SYNE3: variants seen among roughly 807,000 people sequenced by gnomAD.
The protein encoded by SYNE3 is nesprin-3.
SYNE3 carries 100 observed loss-of-function variants against 111.2 expected under a neutral mutation model. The ratio of observed to expected loss-of-function variants is 0.90; its 90% CI spans 0.77 to 1.06. SYNE3 has a LOEUF of 1.06. Among genes scored for constraint, SYNE3 ranks in the 50% least tolerant of loss-of-function variants. SYNE3 has a pLI of 0.00. For missense variants in SYNE3, 1,160 were observed against 1,240.3 expected (o/e 0.94, Z 0.97); for synonymous variants, 547 against 533.9 (o/e 1.02, Z -0.34).
chr14:95,439,503 C>T (rs17092236), intron 13 of SYNE3, 109 bp downstream of exon 13: 556,427 of 1,447,384 alleles, frequency 0.38, 111,892 homozygotes, highest in Admixed American at 0.62. Flanking sequence ...CGGCCCCTGG[C>T]TCCACACTGG....
intron 17 of SYNE3, among the ~76,000 whole-genome samples, chr14:95,422,256 T>C (rs578136088): frequency 2.6e-5 from 4 of 151,894 alleles, no homozygotes; most frequent in South Asian, 2.1e-4. Flanking sequence ...GCTCCACTTG[T>C]TAGTGAACTC....
rs1486033717 is a variant in SYNE3, at chr14:95,470,622, G to A, written c.145-2655C>T. Reference sequence around the variant, plus strand: ...GCCATGATCACACTACTGCACTCAAGCCTGGGCAGCAGGGCAAGAACCTGT... The same window carrying A: ...GCCATGATCACACTACTGCACTCAAACCTGGGCAGCAGGGCAAGAACCTGT... On this transcript the variant is annotated intron_variant, in intron 2 of 17. Transcript: ENST00000682763. This position sits in a 1 kb window ranked among gnomAD's most constrained non-coding sequence, Gnocchi z 4.2. 6.6e-6 allele frequency among the ~76,000 whole-genome samples: 1 copy of A among 151,808 alleles called. No homozygotes were observed. The highest frequency in any genetic ancestry group is 1.5e-5 in the Non-Finnish European group (1 of 68,006).
At chr14:95,506,592 A>G (rs1413800822) in intron 1 of SYNE3, among the ~76,000 whole-genome samples, 3 of 152,248 alleles carry the variant, frequency 2.0e-5, no homozygotes, top group South Asian at 2.1e-4. Flanking sequence ...AGGCAGGCAG[A>G]AGTGCTGAGC....
At chr14:95,481,740 C>T (rs1314884698) in intron 1 of SYNE3, among the ~76,000 whole-genome samples, 1 of 152,216 alleles carries the variant, frequency 6.6e-6, no homozygotes, top group Non-Finnish European at 1.5e-5. Context: ...CAGGGCTGCC[C>T]CTGTGGTCCA....
rs1410167765 is a variant in SYNE3, at chr14:95,446,047, C to A, written c.1494G>T (p.Met498Ile). 6.2e-7 allele frequency: 1 copy of A among 1,614,062 alleles called. No individual in the cohort carries two copies. Among genetic ancestry groups the A allele is most frequent in the Non-Finnish European group, 8.5e-7 (1 of 1,180,052 alleles). ...ESSRLKELLTMLQLKKDLLIG... is the reference protein window; with the variant it reads ...ESSRLKELLTILQLKKDLLIG... ...TCAGGAGGTCTTTCTTCAGCTGCAGCATCGTCAGCAGCTCTTTCAGGCGGG... is the reference window on the plus strand; with the variant it reads ...TCAGGAGGTCTTTCTTCAGCTGCAGAATCGTCAGCAGCTCTTTCAGGCGGG... The change falls in exon 9 of 18, where the codon ATG (methionine) becomes ATT (isoleucine). Residue 498 changes from methionine to isoleucine, a missense_variant. Coordinates refer to ENST00000682763, the MANE Select transcript of SYNE3 (RefSeq NM_152592.6).
At chr14:95,460,022 A>G (rs1887691599) in intron 4 of SYNE3, among the ~76,000 whole-genome samples, 2 of 152,094 alleles carry the variant, frequency 1.3e-5, no homozygotes, top group South Asian at 4.2e-4. Context: ...GCTTGAGCCC[A>G]GGAGGTGGAG....
Position 95,415,276 on chromosome 14 carries a change from G to GCCCCCCCCCCCCCCCCCCCCCCCCC in SYNE3, c.*2549_*2550insGGGGGGGGGGGGGGGGGGGGGGGGG, listed in dbSNP as rs59220960. ...CATAGGAAAGTGGACACCTGGCAAG[G>GCCCCCCCCCCCCCCCCCCCCCCCCC]CCCCCCCACCCACCCACCCTGCCAC... is the stretch of plus-strand genomic sequence containing the variant. On this transcript the variant is annotated 3_prime_UTR_variant, in exon 18 of 18. Transcript: ENST00000682763. The GCCCCCCCCCCCCCCCCCCCCCCCCC allele has an allele frequency of 6.1e-4, 85 of 139,610 alleles. No homozygotes were observed. Among genetic ancestry groups the GCCCCCCCCCCCCCCCCCCCCCCCCC allele is most frequent in the Admixed American group, 1.0e-3 (14 of 13,652 alleles). The allele number at this position is 139,610 out of a possible 1,614,324, so 8.6% of individuals were successfully genotyped here. A position where few individuals can be genotyped will look rare whatever the true frequency, so the allele number is the denominator to read the frequency against.
At chr14:95,451,124 A>G (rs944569473) in intron 7 of SYNE3, 1 of 151,576 alleles carries the variant, frequency 6.6e-6, no homozygotes, top group African/African-American at 2.5e-5. Flanking sequence ...GCAGATTCTG[A>G]AAACAGCACC....
intron 1 of SYNE3, among the ~76,000 whole-genome samples, chr14:95,515,543 C>T (rs983070224): frequency 2.0e-5 from 3 of 152,230 alleles, no homozygotes; most frequent in Non-Finnish European, 4.4e-5. Context: ...CTGCCAAGCT[C>T]AGAATGGCAG....
intron 16 of SYNE3, among the ~76,000 whole-genome samples, chr14:95,432,338 G>A (rs8015054): frequency 0.41 from 62,067 of 152,064 alleles, 13,827 homozygotes; most frequent in African/African-American, 0.58. Context: ...AAAGGCCGTG[G>A]CCAAGGCCGG....
chr14:95,446,948 G>GA (rs1278221419), intron 8 of SYNE3, among the ~76,000 whole-genome samples: 3 of 152,120 alleles, frequency 2.0e-5, no homozygotes, highest in Non-Finnish European at 4.4e-5. Context: ...ATTTCTAATC[G>GA]AGAGTCTGGG....
chr14:95,459,607 T>C (rs973552943), intron 4 of SYNE3, among the ~76,000 whole-genome samples: 1 of 151,954 alleles, frequency 6.6e-6, no homozygotes, highest in Admixed American at 6.6e-5. Context: ...CTGGGAAGAG[T>C]GAACGGGTAA....
Position 95,432,412 on chromosome 14 carries a change from G to A in SYNE3, c.2689-295C>T, listed in dbSNP as rs188430305. The stretch of plus-strand genomic sequence containing the variant: ...CCTAGTGGCCGTCTCGGCTGCTCCC[G>A]GGCCAGGAAAGCCTGGGGCGCCCAG... On this transcript the variant is annotated intron_variant, in intron 16 of 17. Transcript: ENST00000682763. 5.5e-4 allele frequency among the ~76,000 whole-genome samples: 83 copies of A among 152,166 alleles called. 1 individual carries two copies. The highest frequency in any genetic ancestry group is 1.8e-3 in the African/African-American group (76 of 41,530).
In SYNE3 at chr14:95,409,287, G is replaced by A. The variant is rs1207703625; in HGVS notation, c.*8539C>T. On this transcript the variant is annotated 3_prime_UTR_variant, in exon 18 of 18. Transcript: ENST00000682763. ...TTTCTGATCATGACTCCATAGCACA[G>A]GCTTTTTGAAAGTGTCATGACCATA... is the stretch of plus-strand genomic sequence containing the variant. 2.2e-6 allele frequency: 1 copy of A among 456,642 alleles called. No individual in the cohort carries two copies. Among genetic ancestry groups the A allele is most frequent in the African/African-American group, 2.0e-5 (1 of 50,070 alleles). 28.3% of individuals were successfully genotyped at this position (456,642 alleles called of 1,614,324 possible).
rs1903620469 is a variant in SYNE3, at chr14:95,417,589, T to C, written c.*237A>G. 1 of 572,348 alleles carries C rather than the reference T, an allele frequency of 1.7e-6. No homozygotes were observed. Among genetic ancestry groups the C allele is most frequent in the South Asian group, 2.1e-5 (1 of 48,246 alleles). The allele number at this position is 572,348 out of a possible 1,614,324, so 35.5% of individuals were successfully genotyped here. ...ACTGAGCATTTACATACAGATCATA[T>C]AAAAATTCTAGACATTATTCCCTAG... On this transcript the variant is annotated 3_prime_UTR_variant, in exon 18 of 18. Coordinates refer to ENST00000682763, the MANE Select transcript of SYNE3 (RefSeq NM_152592.6).
chr14:95,409,115 A>G lies in SYNE3; in HGVS notation c.*8711T>C, dbSNP rs1045784232. The G allele has an allele frequency of 7.7e-5, 35 of 454,972 alleles. No individual in the cohort carries two copies. The highest frequency in any genetic ancestry group is 1.5e-4 in the Non-Finnish European group (34 of 225,616). The allele number at this position is 454,972 out of a possible 1,614,324, so 28.2% of individuals were successfully genotyped here. Reference sequence around the variant, plus strand: ...GCAGCAGCCCGCGGCCTGCAAAGGAAAGGAAAGCAACTGAGGCCCAGGGAA... The same window carrying G: ...GCAGCAGCCCGCGGCCTGCAAAGGAGAGGAAAGCAACTGAGGCCCAGGGAA... On this transcript the variant is annotated 3_prime_UTR_variant, in exon 18 of 18. Coordinates refer to ENST00000682763, the MANE Select transcript of SYNE3 (RefSeq NM_152592.6).
chr14:95,484,359 C>T (rs188328967), intron 1 of SYNE3, among the ~76,000 whole-genome samples: 9 of 152,160 alleles, frequency 5.9e-5, no homozygotes, highest in African/African-American at 9.7e-5. Context: ...CAGGTGTGAT[C>T]GTCTCAGGCT....
intron 8 of SYNE3, among the ~76,000 whole-genome samples, chr14:95,448,737 C>T (rs1479377673): frequency 6.6e-6 from 1 of 152,130 alleles, no homozygotes; most frequent in East Asian, 1.9e-4. Context: ...CCAATGTAAG[C>T]CCCAAGCGGA....
intron 2 of SYNE3, among the ~76,000 whole-genome samples, chr14:95,469,464 G>C (rs892302222): frequency 6.7e-6 from 1 of 150,258 alleles, no homozygotes; most frequent in African/African-American, 2.5e-5. Flanking sequence ...GGAGGCTGAG[G>C]CAGGAGAATT....
Sources: allele counts gnomAD v4.1 joint callset (sites outside exome capture counted in the v4.1 genomes callset), GRCh38; gene constraint gnomAD v4.1.1; non-coding constraint Gnocchi (gnomAD v3.1); transcripts MANE v1.5; gene names NCBI Gene and HGNC (gene_info 2026-07-23, HGNC 2026-07-21).